MIER2: variants seen among roughly 807,000 people sequenced by gnomAD.
The protein encoded by MIER2 is MIER family member 2, also known as mesoderm induction early response protein 2.
MIER2 carries 30 observed loss-of-function variants against 67.6 expected under a neutral mutation model. That is an observed-to-expected ratio of 0.44 (90% CI 0.33 to 0.60). MIER2 has a LOEUF of 0.60. Among genes scored for constraint, MIER2 ranks in the 20% least tolerant of loss-of-function variants. The pLI is 0.02. For missense variants in MIER2, 702 were observed against 745.1 expected (o/e 0.94, Z 0.67); for synonymous variants, 372 against 312.6 (o/e 1.19, Z -2.00).
intron 7 of MIER2, among the ~76,000 whole-genome samples, chr19:325,248 C>G (rs1195096991): frequency 1.3e-5 from 2 of 152,210 alleles, no homozygotes; most frequent in Non-Finnish European, 2.9e-5. Flanking sequence ...GGAGCAAGGC[C>G]GGGGGTGCAG....
chr19:331,142 T>A (rs1972003843), intron 3 of MIER2, among the ~76,000 whole-genome samples: 1 of 151,788 alleles, frequency 6.6e-6, no homozygotes, highest in South Asian at 2.1e-4. Context: ...CAGGATCAAC[T>A]TGAGGTCAGG....
intron 1 of MIER2, among the ~76,000 whole-genome samples, chr19:336,746 A>T (rs1353544040): frequency 6.6e-6 from 1 of 152,052 alleles, no homozygotes. Flanking sequence ...TGAATTATAA[A>T]CTTTAAAATG....
At chr19:310,945 T>C (rs1321991313) in intron 10 of MIER2, among the ~76,000 whole-genome samples, 2 of 152,318 alleles carry the variant, frequency 1.3e-5, no homozygotes, top group East Asian at 3.9e-4. Flanking sequence ...CCCCGCTGTC[T>C]CCAATCAAAA....
intron 3 of MIER2, 94 bp downstream of exon 3, chr19:334,306 C>T (rs1972143941): frequency 1.9e-6 from 3 of 1,547,788 alleles, no homozygotes; most frequent in Non-Finnish European, 1.8e-6. Flanking sequence ...CAATTTAGCA[C>T]TTACCAATGT....
intron 2 of MIER2, among the ~76,000 whole-genome samples, chr19:335,190 A>T (rs1450471070): frequency 6.7e-6 from 1 of 149,872 alleles, no homozygotes; most frequent in Non-Finnish European, 1.5e-5. Flanking sequence ...CAAAGGAAAT[A>T]GCTAGGGCTC....
rs1335655883 is a variant in MIER2 at position 307,337 on chromosome 19, G to A, written c.1398C>T (p.Ala466=). The A allele has an allele frequency of 1.2e-6, 2 of 1,603,666 alleles. No individual in the cohort carries two copies. ...CGAAGTCCACGGCCAGCCTTGGGCTGGCGTCTGGCTCCGGAGCAGTGACAG... is the reference window on the plus strand; with the variant it reads ...CGAAGTCCACGGCCAGCCTTGGGCTAGCGTCTGGCTCCGGAGCAGTGACAG... ...QPAVTAPEPD[A]SPRLAVDFAL... is the part of the protein sequence containing the mutation. Residue 466 remains alanine, a synonymous_variant, in exon 13 of 14, where the codon GCC becomes GCT. Transcript: ENST00000264819.
intron 1 of MIER2, chr19:343,990 T>C (rs1972623969): frequency 4.1e-6 from 4 of 985,350 alleles, no homozygotes; most frequent in Non-Finnish European, 4.8e-6. Flanking sequence ...TGATCAAACA[T>C]CACAGTCCAA....
At chr19:342,021 T>C (rs1419227662) in intron 1 of MIER2, among the ~76,000 whole-genome samples, 2 of 152,152 alleles carry the variant, frequency 1.3e-5, no homozygotes, top group South Asian at 2.1e-4. Context: ...GCAGGTTCCA[T>C]TCGCCAAGAT....
At chr19:320,050 C>T (rs1032123397) in intron 7 of MIER2, among the ~76,000 whole-genome samples, 1 of 152,128 alleles carries the variant, frequency 6.6e-6, no homozygotes, top group Non-Finnish European at 1.5e-5. Context: ...GCAATCAATA[C>T]ATAAACTTGT....
At chr19:325,789 T>G (rs999367069) in intron 6 of MIER2, 85 bp from the exon 7 acceptor site, 24 of 1,460,838 alleles carry the variant, frequency 1.6e-5, no homozygotes, top group South Asian at 2.3e-5. Flanking sequence ...GTGGCAGGCT[T>G]ACGGGGAGGG....
chr19:337,830 C>G (rs1165116317), intron 1 of MIER2, among the ~76,000 whole-genome samples: 18 of 135,276 alleles, frequency 1.3e-4, no homozygotes, highest in African/African-American at 5.1e-4. Flanking sequence ...GATCGTGCCA[C>G]TGCACTCCAG....
Position 307,461 on chromosome 19 carries a change from T to C in MIER2, c.1274A>G (p.Glu425Gly), listed in dbSNP as rs1325554142. The change falls in exon 13 of 14, where the codon GAG becomes GGG. Residue 425 changes from glutamate to glycine, a missense_variant. Coordinates refer to ENST00000264819, the MANE Select transcript of MIER2 (RefSeq NM_017550.3). ...GVASDGLPSS[E>G]PGPCSFQQLD... ...CTGCTGGAAGGAACACGGCCCTGGC[T>C]CCGAGGACGGGAGTCCATCAGAGGC... The C allele has an allele frequency of 6.4e-7, 1 of 1,567,462 alleles. No individual in the cohort carries two copies. The highest frequency in any genetic ancestry group is 1.8e-5 in the Admixed American group (1 of 55,904).
intron 1 of MIER2, among the ~76,000 whole-genome samples, chr19:337,475 T>C (rs1972306774): frequency 6.6e-6 from 1 of 152,186 alleles, no homozygotes; most frequent in Non-Finnish European, 1.5e-5. Context: ...GCTTTCTCCT[T>C]CACACCATGA....
At chr19:325,238 G>A (rs1358268295) in intron 7 of MIER2, among the ~76,000 whole-genome samples, 10 of 152,252 alleles carry the variant, frequency 6.6e-5, no homozygotes, top group African/African-American at 1.9e-4. Flanking sequence ...GAAGAGGAGC[G>A]GAGCAAGGCC....
rs1020776066 is a variant in MIER2 at position 311,725 on chromosome 19, A to C, written c.984+120T>G. On this transcript the variant is annotated intron_variant, in intron 10 of 13. Transcript: ENST00000264819. ...AGACAGCAATGGGCACACGGTGAGG[A>C]GGCGGACACAGGACACGGGGCTCCA... 37 of 863,516 alleles carry C rather than the reference A, an allele frequency of 4.3e-5. No homozygotes were observed. In the Middle Eastern group the frequency reaches 7.4e-4, roughly 17 times the overall value. 53.5% of individuals were successfully genotyped at this position (863,516 alleles called of 1,614,324 possible).
intron 3 of MIER2, among the ~76,000 whole-genome samples, chr19:329,624 C>A (rs549454063): frequency 4.4e-4 from 67 of 152,276 alleles, no homozygotes; most frequent in African/African-American, 1.6e-3. Flanking sequence ...CAGGATGGCT[C>A]ATGCCTGTAA....
intron 7 of MIER2, among the ~76,000 whole-genome samples, chr19:317,055 G>A (rs1455105892): frequency 2.6e-5 from 4 of 152,092 alleles, no homozygotes; most frequent in Non-Finnish European, 4.4e-5. Context: ...GAAACAGAAG[G>A]ACAAAATAAA....
At chr19:314,247 C>T (rs886553357) in intron 7 of MIER2, among the ~76,000 whole-genome samples, 1 of 152,154 alleles carries the variant, frequency 6.6e-6, no homozygotes, top group African/African-American at 2.4e-5. Context: ...ATCCTGCCCC[C>T]GGTAGCTGGT....
chr19:327,781 T>C, intron 4 of MIER2, 83 bp downstream of exon 4: 1 of 1,559,140 alleles, frequency 6.4e-7, no homozygotes, highest in Admixed American at 2.0e-5. Flanking sequence ...CTCCTCTCAC[T>C]GAACACTCCC....
Sources: allele counts gnomAD v4.1 joint callset (sites outside exome capture counted in the v4.1 genomes callset), GRCh38; gene constraint gnomAD v4.1.1; transcripts MANE v1.5; gene names NCBI Gene and HGNC (gene_info 2026-07-23, HGNC 2026-07-21).